The following IGF2BP1 variants were observed in gnomAD, a reference collection of about 807,000 sequenced individuals.
The protein encoded by IGF2BP1 is insulin like growth factor 2 mRNA binding protein 1, also known as insulin-like growth factor 2 mRNA-binding protein 1.
Under a neutral mutation model 74.9 loss-of-function variants are expected in IGF2BP1, and 11 were observed. That is an observed-to-expected ratio of 0.15 (90% CI 0.09 to 0.24). IGF2BP1 has a LOEUF of 0.24. IGF2BP1 is among the 10% of genes least tolerant of loss of function. IGF2BP1 has a pLI of 1.00. For synonymous variants in IGF2BP1, 287 were observed against 281.8 expected (o/e 1.02, Z -0.18); for missense variants, 440 against 757.4 (o/e 0.58, Z 4.92).
chr17:49,025,773 C>A, intron 3 of IGF2BP1, 107 bp downstream of exon 3: 1 of 885,790 alleles, frequency 1.1e-6, no homozygotes, highest in Non-Finnish European at 1.8e-6. Flanking sequence ...TGGGGCCAGG[C>A]TAGGGAGGCC....
At chr17:49,008,535 C>G (rs1191136324) in intron 2 of IGF2BP1, among the ~76,000 whole-genome samples, 1 of 152,198 alleles carries the variant, frequency 6.6e-6, no homozygotes, top group East Asian at 1.9e-4. Flanking sequence ...TCACAAACCT[C>G]TAATATTTCT....
At chr17:48,999,926 GT>G (rs1237371219) in intron 2 of IGF2BP1, among the ~76,000 whole-genome samples, 11 of 79,956 alleles carry the variant, frequency 1.4e-4, no homozygotes, top group African/African-American at 4.0e-4. Context: ...GATGAATGGT[GT>G]GTGTGTGTGT....
rs1301158227 is a variant in IGF2BP1 at position 49,019,938 on chromosome 17, ATATATATATATT to A, written c.237-5673_237-5662del. On this transcript the variant is annotated intron_variant, in intron 2 of 14. Coordinates refer to ENST00000290341, the MANE Select transcript of IGF2BP1 (RefSeq NM_006546.4). ...TATATATATATATATATATATATAT[ATATATATATATT>A]TATATACACACACACACACACACAC... 6.7e-3 allele frequency among the ~76,000 whole-genome samples: 387 copies of A among 57,356 alleles called. 10 individuals are homozygous for A. Among genetic ancestry groups the A allele is most frequent in the African/African-American group, 0.024 (285 of 11,842 alleles). 37.6% of individuals were successfully genotyped at this position (57,356 alleles called of 152,430 possible).
chr17:49,031,173 C>T (rs1046698815), intron 4 of IGF2BP1, among the ~76,000 whole-genome samples: 3 of 152,274 alleles, frequency 2.0e-5, no homozygotes, highest in Non-Finnish European at 1.5e-5. Flanking sequence ...GGCTGGAGTG[C>T]GTTGGCTCGT....
intron 2 of IGF2BP1, among the ~76,000 whole-genome samples, chr17:49,019,964 ACACACACACACATACACC>A (rs1261722454): frequency 3.3e-5 from 3 of 92,110 alleles, no homozygotes; most frequent in African/African-American, 1.6e-4. Flanking sequence ...ATACACACAC[ACACACACACACATACACC>A]CACACATATA....
At position 49,043,466 on chromosome 17, in the gene IGF2BP1, T is replaced by C; in HGVS notation, c.1116T>C (p.Ala372=). The part of the protein sequence containing the change: ...SHLIPGLNLA[A]VGLFPASSSA... ...TGATCCCTGGCCTGAACCTGGCTGC[T>C]GTAGGTCTTTTCCCAGCTTCATCCA... The change falls in exon 10 of 15, where the codon GCT becomes GCC. Residue 372 remains alanine (A), a synonymous_variant. Transcript: ENST00000290341. The C allele has an allele frequency of 1.2e-6, 2 of 1,614,124 alleles. No homozygotes were observed. Among genetic ancestry groups the C allele is most frequent in the Non-Finnish European group, 1.7e-6 (2 of 1,179,992 alleles).
chr17:49,039,644 C>T lies in IGF2BP1; in HGVS notation c.684-313C>T, dbSNP rs974464435. ...GTTTCACCATGCTGGCCAGGCTGGT[C>T]TCAAACTCCTGGCCTCAAGTAACCC... is the stretch of plus-strand genomic sequence containing the variant. On this transcript the variant is annotated intron_variant, in intron 6 of 14. Transcript: ENST00000290341. 2.0e-5 allele frequency among the ~76,000 whole-genome samples: 3 copies of T among 151,934 alleles called. No homozygotes were observed. In the East Asian group the frequency reaches 5.8e-4, roughly 29 times the overall value.
intron 2 of IGF2BP1, among the ~76,000 whole-genome samples, chr17:49,018,653 G>GT (rs2041738639): frequency 6.8e-6 from 1 of 148,004 alleles, no homozygotes. Context: ...AATAGGAACT[G>GT]TTTCAAAAAA....
chr17:49,045,217 G>GGCCGGGCGCGGTGGCTCACGC, intron 12 of IGF2BP1, 152 bp downstream of exon 12: 3 of 590,724 alleles, frequency 5.1e-6, no homozygotes. Flanking sequence ...GGGCTGCAGA[G>GGCCGGGCGCGGTGGCTCACGC]CTATTTTCAA....
At chr17:49,010,313 C>CTTTTTTTTTTTTTTTTTTTTTTTTTTTT (rs397857828) in intron 2 of IGF2BP1, among the ~76,000 whole-genome samples, 1 of 105,622 alleles carries the variant, frequency 9.5e-6, no homozygotes. Flanking sequence ...TGGTGGTCAT[C>CTTTTTTTTTTTTTTTTTTTTTTTTTTTT]TTTTTTTTTT....
Position 49,045,971 on chromosome 17 carries a change from C to G in IGF2BP1, c.1477C>G (p.Arg493Gly). Residue 493 changes from arginine to glycine, a missense_variant, in exon 13 of 15, where the codon CGT becomes GGT. By Grantham distance (125) the Arg-to-Gly change is moderately radical. Transcript: ENST00000290341. The part of the protein sequence containing the change: ...KEEVKLETHI[R>G]VPASAAGRVI... ...GGAAGTGAAGCTGGAGACCCACATA[C>G]GTGTGCCAGCATCAGCAGCTGGCCG... The G allele has an allele frequency of 6.2e-7, 1 of 1,614,178 alleles. No individual in the cohort carries two copies. Among genetic ancestry groups the G allele is most frequent in the Non-Finnish European group, 8.5e-7 (1 of 1,180,026 alleles).
At position 49,053,341 on chromosome 17, in the gene IGF2BP1, G is replaced by C. The variant is rs2042189099; in HGVS notation, c.*3897G>C. The C allele has an allele frequency of 6.5e-6, 1 of 152,706 alleles. No homozygotes were observed. Among genetic ancestry groups the C allele is most frequent in the Non-Finnish European group, 1.5e-5 (1 of 68,118 alleles). 9.5% of individuals were successfully genotyped at this position (152,706 alleles called of 1,614,324 possible). A position where few individuals can be genotyped will look rare whatever the true frequency, so the allele number is the denominator to read the frequency against. ...TGAATCAAAGCAATAGCCAGCTTTC[G>C]ACACATACCTGGCTGTCTGAGGAGG... On this transcript the variant is annotated 3_prime_UTR_variant, in exon 15 of 15. Transcript: ENST00000290341.
At chr17:49,009,491 C>T (rs1191116152) in intron 2 of IGF2BP1, among the ~76,000 whole-genome samples, 1 of 151,936 alleles carries the variant, frequency 6.6e-6, no homozygotes, top group Non-Finnish European at 1.5e-5. Flanking sequence ...GGGCAGATCA[C>T]TTCAGGTCAG....
At chr17:49,033,123 G>A (rs561742265) in intron 5 of IGF2BP1, among the ~76,000 whole-genome samples, 7 of 151,964 alleles carry the variant, frequency 4.6e-5, no homozygotes, top group African/African-American at 1.7e-4. Context: ...TTGTTACCTC[G>A]TTAACATTTC....
intron 2 of IGF2BP1, among the ~76,000 whole-genome samples, chr17:49,009,577 T>C (rs933390315): frequency 1.3e-5 from 2 of 150,888 alleles, no homozygotes; most frequent in Admixed American, 1.3e-4. Flanking sequence ...AGCGTGGTAG[T>C]GCATGCCTGT....
intron 2 of IGF2BP1, among the ~76,000 whole-genome samples, chr17:49,022,149 C>A (rs1385200854): frequency 6.6e-6 from 1 of 152,082 alleles, no homozygotes; most frequent in African/African-American, 2.4e-5. Flanking sequence ...GAAGAAGTAA[C>A]CAGTTAGGGT....
chr17:49,001,610 A>G (rs918692013), intron 2 of IGF2BP1, among the ~76,000 whole-genome samples: 1 of 152,202 alleles, frequency 6.6e-6, no homozygotes, highest in Non-Finnish European at 1.5e-5. Flanking sequence ...ATGCATTTCA[A>G]CTGAAAACAG....
At chr17:49,006,016 C>T (rs1598123131) in intron 2 of IGF2BP1, among the ~76,000 whole-genome samples, 2 of 152,078 alleles carry the variant, frequency 1.3e-5, no homozygotes, top group South Asian at 2.1e-4. Context: ...GAGCCGAGAT[C>T]GCACCACTGC....
At chr17:49,040,573 T>A (rs1355523284) in intron 7 of IGF2BP1, among the ~76,000 whole-genome samples, 1 of 152,230 alleles carries the variant, frequency 6.6e-6, no homozygotes, top group Non-Finnish European at 1.5e-5. Flanking sequence ...CAGGTGTGTG[T>A]ATATTGTGTC....
Sources: gnomAD v4.1 joint callset for allele counts (sites outside exome capture counted in the v4.1 genomes callset) on GRCh38, gnomAD v4.1.1 for gene constraint, MANE v1.5 for transcripts, NCBI Gene and HGNC (gene_info 2026-07-23, HGNC 2026-07-21) for gene names.